Variants in ZP3 observed in about 807,000 individuals in gnomAD.
ZP3 encodes the protein zona pellucida sperm-binding protein 3.
A neutral mutation model predicts 35.6 loss-of-function variants in ZP3; 21 were observed. The ratio of observed to expected loss-of-function variants is 0.59; its 90% confidence interval spans 0.42 to 0.85. The LOEUF is 0.85. ZP3 is among the 40% of genes least tolerant of loss of function. The pLI is 0.00. For synonymous variants in ZP3, 207 were observed against 214.5 expected, an observed-to-expected ratio of 0.96 and a Z score of 0.31; for missense variants, 437 against 536.5, an observed-to-expected ratio of 0.81 and a Z score of 1.83.
At chr7:76,441,556 CTT>C (rs985548246) in intron 7 of ZP3, among the ~76,000 whole-genome samples, 1 of 151,702 alleles carries the variant, frequency 6.6e-6, no homozygotes, top group Non-Finnish European at 1.5e-5. Flanking sequence ...GCCCAGTTAA[CTT>C]TTTTATTTTC....
At chr7:76,423,048 AAAGAAAG>A (rs1236042265), upstream of ZP3, among the ~76,000 whole-genome samples, 2 of 145,428 alleles carry the variant, frequency 1.4e-5, no homozygotes, top group Non-Finnish European at 3.0e-5. Context: ...AGAAAGAAAG[AAAGAAAG>A]AAAGAAAGAA....
chr7:76,433,212 G>A (rs1224544927), intron 3 of ZP3, among the ~76,000 whole-genome samples, 182 bp downstream of exon 3: 1 of 119,950 alleles, frequency 8.3e-6, no homozygotes, highest in African/African-American at 3.6e-5. Flanking sequence ...GGAGTGCAGT[G>A]GCACGATCTC....
intron 1 of ZP3, among the ~76,000 whole-genome samples, chr7:76,407,477 G>A (rs1162360422): frequency 2.6e-5 from 4 of 152,192 alleles, no homozygotes; most frequent in African/African-American, 7.2e-5. Flanking sequence ...GATTACAGGC[G>A]GGTATCACCA....
chr7:76,418,550 CAAAA>C (rs1203476650), intron 1 of ZP3, among the ~76,000 whole-genome samples: 10 of 30,046 alleles, frequency 3.3e-4, no homozygotes, highest in African/African-American at 7.4e-4. Flanking sequence ...GATTTCATCT[CAAAA>C]AAAAAAAAAA....
chr7:76,411,044 G>T (rs944483421), intron 1 of ZP3, among the ~76,000 whole-genome samples: 2 of 149,136 alleles, frequency 1.3e-5, no homozygotes, highest in African/African-American at 4.9e-5. Context: ...ATGGAAGGCT[G>T]CCATCACCAT....
At chr7:76,420,635 C>G (rs1805483083), upstream of ZP3, among the ~76,000 whole-genome samples, 1 of 152,128 alleles carries the variant, frequency 6.6e-6, no homozygotes, top group Non-Finnish European at 1.5e-5. Context: ...TTTGTTTTAG[C>G]AATTGCTTTT....
chr7:76,430,664 T>C lies in ZP3; in HGVS notation c.431+1031T>C, dbSNP rs558875220. On this transcript the variant is annotated intron_variant, in intron 2 of 7. Transcript: ENST00000394857. ...GCAGGAGAATCATTTGAACCCAGGA[T>C]GCAGAGGTTGCAGTGAGCTGAGATG... Among the ~76,000 whole-genome samples the C allele has an allele frequency of 3.9e-5, 6 of 152,198 alleles. No individual in the cohort carries two copies. In the South Asian group the frequency reaches 1.2e-3, roughly 32 times the overall value.
chr7:76,429,450 G>T (rs6465128), intron 1 of ZP3, 65 bp from the exon 2 acceptor site: 914,933 of 1,513,660 alleles, frequency 0.6, 279,970 homozygotes, highest in African/African-American at 0.79. Flanking sequence ...TGAGCACTCA[G>T]GTATGGCTTG....
chr7:76,397,671 T>C, exon 1 of ZP3: 5 of 1,613,394 alleles, frequency 3.1e-6, no homozygotes, highest in Non-Finnish European at 4.2e-6. Flanking sequence ...GCGTTGGTGG[T>C]GGCGGCCATG....
intron 5 of ZP3, among the ~76,000 whole-genome samples, chr7:76,436,075 T>G (rs1165076204): frequency 1.4e-3 from 136 of 100,224 alleles, no homozygotes; most frequent in African/African-American, 5.4e-3. Flanking sequence ...TTTTTTTTTT[T>G]GAGAGGGTCT....
At chr7:76,418,085 G>A (rs1005910467) in intron 1 of ZP3, among the ~76,000 whole-genome samples, 1 of 151,072 alleles carries the variant, frequency 6.6e-6, no homozygotes, top group Admixed American at 6.6e-5. Context: ...CTACAGGCAC[G>A]TAGTCACCAC....
intron 1 of ZP3, among the ~76,000 whole-genome samples, chr7:76,414,625 A>G (rs1805322446): frequency 7.0e-6 from 1 of 143,862 alleles, no homozygotes; most frequent in African/African-American, 2.6e-5. Flanking sequence ...TTAGGAAAAG[A>G]CCTTCTCATG....
intron 3 of ZP3, 74 bp downstream of exon 3, chr7:76,433,104 CT>C (rs890152277): frequency 6.8e-5 from 73 of 1,071,910 alleles, no homozygotes; most frequent in South Asian, 1.1e-4. Flanking sequence ...TTGGCTGTGT[CT>C]TTTTTTTGTT....
At position 76,433,420 on chromosome 7, in the gene ZP3, G is replaced by T. The variant is rs1264016972; in HGVS notation, c.536-50G>T. The T allele has an allele frequency of 3.8e-6, 6 of 1,576,444 alleles. No individual in the cohort carries two copies. In the East Asian group the frequency reaches 9.0e-5, roughly 24 times the overall value. On this transcript the variant is annotated intron_variant, in intron 3 of 7. Transcript: ENST00000394857. ...TCCACCTGCCTCAGCCTCCCAAGGT[G>T]CTGGGATTACAGGCATGAGCCACCA...
intron 1 of ZP3, among the ~76,000 whole-genome samples, chr7:76,401,608 G>T (rs968282660): frequency 1.3e-5 from 2 of 152,068 alleles, no homozygotes; most frequent in Non-Finnish European, 2.9e-5. Context: ...GTAGAGATGG[G>T]GTTTCGCCAT....
At chr7:76,407,005 G>A (rs1269970735) in intron 1 of ZP3, among the ~76,000 whole-genome samples, 1 of 152,092 alleles carries the variant, frequency 6.6e-6, no homozygotes, top group South Asian at 2.1e-4. Context: ...CTGTCACCCA[G>A]GCTGTAGTGC....
rs776083589 is a variant in ZP3 at position 76,404,384 on chromosome 7, C to A, written c.-67+6587C>A. On this transcript the variant is annotated intron_variant, in intron 1 of 8. Transcript: ENST00000336517. ...AGCACTCCCATCTCCCAACCTCCAC[C>A]CCCAGCGCTTCTCATCCAGCTGGGG... 1.2e-6 allele frequency: 2 copies of A among 1,613,978 alleles called. No individual in the cohort carries two copies. Among genetic ancestry groups the A allele is most frequent in the East Asian group, 4.5e-5 (2 of 44,878 alleles).
At chr7:76,440,101 GC>G in intron 5 of ZP3, 148 bp from the exon 6 acceptor site, 1 of 1,410,856 alleles carries the variant, frequency 7.1e-7, no homozygotes, top group Non-Finnish European at 9.4e-7. Context: ...CCCGCCTTGG[GC>G]TCCCAAAGTG....
intron 3 of ZP3, 62 bp downstream of exon 3, chr7:76,433,092 C>T (rs996267848): frequency 7.9e-5 from 97 of 1,231,364 alleles, no homozygotes; most frequent in Non-Finnish European, 9.7e-5. Context: ...AGACCCCTGC[C>T]CTTGGCTGTG....
Sources: gnomAD v4.1 joint callset for allele counts (sites outside exome capture counted in the v4.1 genomes callset) on GRCh38, gnomAD v4.1.1 for gene constraint, MANE v1.5 for transcripts, NCBI Gene and HGNC (gene_info 2026-07-23, HGNC 2026-07-21) for gene names.